USP33: variants seen among roughly 807,000 people sequenced by gnomAD.
USP33 encodes the protein ubiquitin carboxyl-terminal hydrolase 33.
A neutral mutation model predicts 124.2 loss-of-function variants in USP33; 46 were observed. That is an observed-to-expected ratio of 0.37 (90% CI 0.29 to 0.47). The LOEUF is 0.47. USP33 is among the 20% of genes least tolerant of loss of function. The pLI is 0.99. For synonymous variants in USP33, 350 were observed against 352.3 expected (o/e 0.99, Z 0.07); for missense variants, 851 against 1,070.6 (o/e 0.79, Z 2.86).
intron 21 of USP33, among the ~76,000 whole-genome samples, chr1:77,705,719 G>A (rs1362830858): frequency 1.3e-5 from 2 of 151,744 alleles, no homozygotes; most frequent in African/African-American, 4.8e-5. Context: ...TCTTCGTATG[G>A]ACTTTAATGG....
Position 77,728,457 on chromosome 1 carries a change from T to G in USP33, c.973A>C (p.Asn325His). Reference sequence around the variant, plus strand: ...TGCCAATCCTTTGACATTTCTGAATTGTTTTCATCATCCTGAATTAACATT... The same window carrying G: ...TGCCAATCCTTTGACATTTCTGAATGGTTTTCATCATCCTGAATTAACATT... ...TTMLIQDDENNSEMSKDWQKE... is the reference protein window; with the variant it reads ...TTMLIQDDENHSEMSKDWQKE... Residue 325 changes from asparagine (N) to histidine (H), a missense_variant, in exon 10 of 24, where the codon AAT (asparagine) becomes CAT (histidine). Coordinates refer to ENST00000370794, the MANE Select transcript of USP33 (RefSeq NM_201624.3). 6.2e-7 allele frequency: 1 copy of G among 1,614,078 alleles called. No individual in the cohort carries two copies. The highest frequency in any genetic ancestry group is 1.3e-5 in the African/African-American group (1 of 75,056).
intron 5 of USP33, among the ~76,000 whole-genome samples, chr1:77,738,356 TA>T (rs1678718881): frequency 6.6e-6 from 1 of 152,234 alleles, no homozygotes; most frequent in South Asian, 2.1e-4. Flanking sequence ...AGAAGCCAAC[TA>T]TTCTAAGTTA....
At chr1:77,717,696 G>C in intron 17 of USP33, 171 bp downstream of exon 17, 1 of 399,004 alleles carries the variant, frequency 2.5e-6, no homozygotes, top group Non-Finnish European at 4.3e-6. Flanking sequence ...ATTTTGTAGA[G>C]ATGGGGTTTC....
chr1:77,717,341 T>A (rs1002839073), intron 17 of USP33, among the ~76,000 whole-genome samples: 1 of 151,882 alleles, frequency 6.6e-6, no homozygotes, highest in Non-Finnish European at 1.5e-5. Context: ...TACAAAAAAA[T>A]TAGCTGGGCG....
intron 1 of USP33, among the ~76,000 whole-genome samples, chr1:77,753,318 T>C (rs1680513698): frequency 6.6e-6 from 1 of 152,186 alleles, no homozygotes; most frequent in South Asian, 2.1e-4. Context: ...CTGGGTATGG[T>C]GGCTCACACC....
chr1:77,739,520 G>T, intron 4 of USP33, 103 bp from the exon 5 acceptor site: 2 of 1,104,358 alleles, frequency 1.8e-6, no homozygotes, highest in Non-Finnish European at 2.5e-6. Context: ...CCTTTGATGA[G>T]TAACAATATA....
chr1:77,698,747 C>T (rs79576698), intron 22 of USP33, among the ~76,000 whole-genome samples: 1 of 150,118 alleles, frequency 6.7e-6, no homozygotes, highest in Non-Finnish European at 1.5e-5. Context: ...TGATCCACCC[C>T]CCTCGGCCTC....
At chr1:77,746,374 AT>A (rs1679741459) in intron 1 of USP33, 1 of 152,298 alleles carries the variant, frequency 6.6e-6, no homozygotes, top group Non-Finnish European at 1.5e-5. Context: ...AGGCTCTGAA[AT>A]TGAGGCAATA....
intron 22 of USP33, among the ~76,000 whole-genome samples, chr1:77,698,872 T>C (rs1570714398): frequency 1.3e-5 from 2 of 152,206 alleles, no homozygotes; most frequent in East Asian, 3.8e-4. Flanking sequence ...AAAATAGCAA[T>C]TCCTTTGTAA....
chr1:77,757,426 C>T (rs1406077827), intron 1 of USP33, among the ~76,000 whole-genome samples: 1 of 152,174 alleles, frequency 6.6e-6, no homozygotes, highest in African/African-American at 2.4e-5. Context: ...TCTCAGTATA[C>T]AATATAGCAC....
chr1:77,734,469 A>C, intron 6 of USP33, 53 bp from the exon 7 acceptor site: 1 of 1,106,872 alleles, frequency 9.0e-7, no homozygotes, highest in Non-Finnish European at 1.3e-6. Context: ...AAAATGACTC[A>C]ATTTTAGGGG....
intron 1 of USP33, among the ~76,000 whole-genome samples, chr1:77,745,181 CCTT>C (rs1194998184): frequency 7.9e-5 from 12 of 152,286 alleles, no homozygotes; most frequent in East Asian, 3.9e-4. Flanking sequence ...TATGTAATTG[CCTT>C]CTTCATCTCT....
chr1:77,751,964 A>T (rs979875749), intron 1 of USP33, among the ~76,000 whole-genome samples: 10 of 152,024 alleles, frequency 6.6e-5, no homozygotes, highest in African/African-American at 2.4e-4. Flanking sequence ...CTGGGATTAC[A>T]GGCTTGAGCC....
At chr1:77,713,693 G>C (rs559432862) in intron 19 of USP33, among the ~76,000 whole-genome samples, 163 of 150,578 alleles carry the variant, frequency 1.1e-3, no homozygotes, top group South Asian at 4.0e-3. Context: ...CATTGTGTCT[G>C]GCCATTTTTT....
chr1:77,741,894 G>C (rs1435219164), intron 1 of USP33, 146 bp from the exon 2 acceptor site: 2 of 769,448 alleles, frequency 2.6e-6, no homozygotes, highest in African/African-American at 1.8e-5. Context: ...CCTGTAAAAA[G>C]AGTGTATTCT....
chr1:77,740,811 C>T (rs775887467), intron 4 of USP33, 66 bp downstream of exon 4: 544 of 1,098,142 alleles, frequency 5.0e-4, no homozygotes, highest in Admixed American at 6.6e-4. Context: ...TAATGTTATA[C>T]TGGCTTTCCC....
intron 1 of USP33, among the ~76,000 whole-genome samples, chr1:77,751,789 C>T (rs1311064072): frequency 1.3e-5 from 2 of 150,668 alleles, no homozygotes; most frequent in Non-Finnish European, 3.0e-5. Flanking sequence ...CCCGGGTTCA[C>T]GCCATTCTCC....
intron 10 of USP33, among the ~76,000 whole-genome samples, chr1:77,727,587 T>C (rs1401754414): frequency 6.6e-6 from 1 of 152,252 alleles, no homozygotes; most frequent in Non-Finnish European, 1.5e-5. Context: ...TTCATTCAAA[T>C]ACCTAAATAA....
intron 22 of USP33, among the ~76,000 whole-genome samples, chr1:77,700,621 A>T (rs959886281): frequency 6.6e-6 from 1 of 152,080 alleles, no homozygotes; most frequent in Non-Finnish European, 1.5e-5. Flanking sequence ...TTAATTTAAA[A>T]TTTTAAAAAG....
Sources: allele counts gnomAD v4.1 joint callset (sites outside exome capture counted in the v4.1 genomes callset), GRCh38; gene constraint gnomAD v4.1.1; transcripts MANE v1.5; gene names NCBI Gene and HGNC (gene_info 2026-07-23, HGNC 2026-07-21).